The following ANPEP variants were observed in gnomAD, a reference collection of about 807,000 sequenced individuals.
ANPEP encodes aminopeptidase N.
In ANPEP, 70 loss-of-function variants were observed where a neutral mutation model predicts 114.6. That is an observed-to-expected ratio of 0.61 (90% confidence interval 0.50 to 0.75). ANPEP has a LOEUF of 0.75. ANPEP is among the 30% of genes least tolerant of loss of function. The pLI is 0.00. For missense variants in ANPEP, 1,184 were observed against 1,259.5 expected, an observed-to-expected ratio of 0.94 and a Z score of 0.91; for synonymous variants, 548 against 522.3, an observed-to-expected ratio of 1.05 and a Z score of -0.67.
rs375790588 is a variant in ANPEP at position 89,801,614 on chromosome 15, G to A, written c.1570-7C>T. 2,764 of 1,612,924 alleles carry A rather than the reference G, an allele frequency of 1.7e-3. 5 individuals carry two copies. Among genetic ancestry groups the A allele is most frequent in the Non-Finnish European group, 2.2e-3 (2,560 of 1,179,290 alleles). On this transcript the variant is annotated splice_polypyrimidine_tract_variant and splice_region_variant and intron_variant, in intron 10 of 20. Coordinates refer to ENST00000300060, the MANE Select transcript of ANPEP (RefSeq NM_001150.3). ...TGGACCGGTTGTTCACAGCCTGTGG[G>A]TGGAGCGAGAGGGCGTGGCCATCAG...
Position 89,806,315 on chromosome 15 carries a change from C to T in ANPEP, c.269G>A (p.Arg90Lys). ...CCTGTCATTGGGGGTGAGGTACGGT[C>T]TCAGCGTCACCCGGTAGGAATCGGG... is the stretch of plus-strand genomic sequence containing the variant. The part of the protein sequence containing the change: ...LKPDSYRVTL[R>K]PYLTPNDRGL... Residue 90 changes from arginine (R) to lysine (K), a missense_variant, in exon 2 of 21, where the codon AGA (arginine) becomes AAA (lysine). Coordinates refer to ENST00000300060, the MANE Select transcript of ANPEP (RefSeq NM_001150.3). The surrounding 1 kb of genome is among the most constrained non-coding windows in gnomAD (Gnocchi z 5.7). The T allele has an allele frequency of 6.2e-7, 1 of 1,614,142 alleles. No homozygotes were observed. Among genetic ancestry groups the T allele is most frequent in the Non-Finnish European group, 8.5e-7 (1 of 1,180,024 alleles).
At position 89,809,191 on chromosome 15, in the gene ANPEP, C is replaced by T. The variant is rs139613495; in HGVS notation, c.-223-2385G>A. 1.6e-3 allele frequency among the ~76,000 whole-genome samples: 239 copies of T among 152,322 alleles called. 1 individual carries two copies. The highest frequency in any genetic ancestry group is 5.4e-3 in the African/African-American group (223 of 41,562). On this transcript the variant is annotated intron_variant, in intron 1 of 20. Coordinates refer to ENST00000300060, the MANE Select transcript of ANPEP (RefSeq NM_001150.3). ...TCCCATCAGGGTGGATGGAATTCGC[C>T]AAGGGAGCCCATCTTTACAGCACCC...
chr15:89,809,704 C>A (rs777548110), intron 1 of ANPEP, among the ~76,000 whole-genome samples: 11 of 152,246 alleles, frequency 7.2e-5, no homozygotes, highest in Non-Finnish European at 1.5e-4. Context: ...CCCACCAGCA[C>A]ACGTCAGCAG....
At chr15:89,786,565 T>C (rs1445255215) in intron 20 of ANPEP, among the ~76,000 whole-genome samples, 1 of 152,008 alleles carries the variant, frequency 6.6e-6, no homozygotes, top group African/African-American at 2.4e-5. Context: ...TGGTGGCATG[T>C]GCCTATAGTC....
chr15:89,805,203 G>C lies in ANPEP; in HGVS notation c.772C>G (p.Leu258Val). The change falls in exon 4 of 21, where the codon CTT (leucine) becomes GTT (valine). Residue 258 changes from leucine (L) to valine (V), a missense_variant. By Grantham distance (32) the Leu-to-Val change is conservative. Transcript: ENST00000300060. ...ACATTCCAGTTGGGGTCTTCTGGAA[G>C]TGGGGTGCTGGGACCTGGGCAGGGA... ...NMLPKGPSTP[L>V]PEDPNWNVTE... The C allele has an allele frequency of 6.2e-7, 1 of 1,614,230 alleles. No individual in the cohort carries two copies. The highest frequency in any genetic ancestry group is 8.5e-7 in the Non-Finnish European group (1 of 1,180,042).
At chr15:89,787,067 G>T (rs62019022) in intron 20 of ANPEP, among the ~76,000 whole-genome samples, 2 of 128,956 alleles carry the variant, frequency 1.6e-5, no homozygotes, top group Non-Finnish European at 3.2e-5. Flanking sequence ...TTTTTTTGAG[G>T]CAGAGTCTTG....
At chr15:89,805,662 C>T (rs1034569829) in intron 2 of ANPEP, among the ~76,000 whole-genome samples, 199 bp from the exon 3 acceptor site, 2 of 152,212 alleles carry the variant, frequency 1.3e-5, no homozygotes, top group African/African-American at 2.4e-5. Context: ...GGGGCTCCTT[C>T]TGGATTCGGG....
chr15:89,789,409 C>T (rs768465469), intron 20 of ANPEP, among the ~76,000 whole-genome samples: 9 of 152,076 alleles, frequency 5.9e-5, no homozygotes, highest in Admixed American at 1.3e-4. Context: ...TTGAATATGC[C>T]TTGGGTATAT....
Position 89,792,300 on chromosome 15 carries a change from G to T in ANPEP, c.2388C>A (p.Val796=). The part of the protein sequence containing the change: ...NPIHPNLRST[V]YCNAIAQGGE... ...CGCCCTGGGCGATAGCGTTGCAGTAGACGGTGGACCGCAGGTTGGGGTGGA... is the reference window on the plus strand; with the variant it reads ...CGCCCTGGGCGATAGCGTTGCAGTATACGGTGGACCGCAGGTTGGGGTGGA... The change falls in exon 18 of 21, where the codon GTC becomes GTA. Residue 796 remains valine, a synonymous_variant. Transcript: ENST00000300060. 1 of 1,614,252 alleles carries T rather than the reference G, an allele frequency of 6.2e-7. No homozygotes were observed. Among genetic ancestry groups the T allele is most frequent in the Non-Finnish European group, 8.5e-7 (1 of 1,180,050 alleles).
intron 12 of ANPEP, among the ~76,000 whole-genome samples, chr15:89,800,323 A>C (rs1034350371): frequency 1.3e-5 from 2 of 151,828 alleles, no homozygotes; most frequent in East Asian, 1.9e-4. Flanking sequence ...ATGAACTTGA[A>C]TCTCCCTTAT....
intron 15 of ANPEP, among the ~76,000 whole-genome samples, chr15:89,796,423 G>A (rs1014666433): frequency 2.6e-5 from 4 of 152,164 alleles, no homozygotes; most frequent in African/African-American, 7.2e-5. Context: ...CAGTAAGAGG[G>A]TTGAAACTTC....
At chr15:89,785,563 C>A in intron 20 of ANPEP, 62 bp from the exon 21 acceptor site, 1 of 1,599,684 alleles carries the variant, frequency 6.3e-7, no homozygotes, top group South Asian at 1.1e-5. Context: ...AGGAGGAGCT[C>A]TCTCAGGCCT....
intron 20 of ANPEP, 101 bp from the exon 21 acceptor site, chr15:89,785,602 C>G: frequency 1.3e-6 from 2 of 1,521,688 alleles, no homozygotes; most frequent in Non-Finnish European, 1.8e-6. Context: ...TTTAGAGTCC[C>G]CATGGATGGG....
At chr15:89,809,072 G>T (rs1472902771) in intron 1 of ANPEP, among the ~76,000 whole-genome samples, 2 of 152,220 alleles carry the variant, frequency 1.3e-5, no homozygotes, top group African/African-American at 4.8e-5. Context: ...ATGACCCCAA[G>T]GGGCAATCGT....
Position 89,801,144 on chromosome 15 carries a change from G to C in ANPEP, c.1786C>G (p.Gln596Glu). The C allele has an allele frequency of 6.2e-7, 1 of 1,614,174 alleles. No homozygotes were observed. Among genetic ancestry groups the C allele is most frequent in the Non-Finnish European group, 8.5e-7 (1 of 1,180,028 alleles). Residue 596 changes from glutamine (Q) to glutamate (E), a missense_variant, in exon 12 of 21, where the codon CAG (glutamine) becomes GAG (glutamate). By Grantham distance (29) the Gln-to-Glu change is conservative. Coordinates refer to ENST00000300060, the MANE Select transcript of ANPEP (RefSeq NM_001150.3). ...VPITSIRDGRQQQDYWLIDVR... is the reference protein window; with the variant it reads ...VPITSIRDGREQQDYWLIDVR... The stretch of plus-strand genomic sequence containing the variant: ...TCTATCAGCCAGTAGTCCTGCTGCT[G>C]TCTGCCATCTCTGATGGATGTGATG...
At chr15:89,813,999 G>GGGGA (rs1555442967) in intron 1 of ANPEP, among the ~76,000 whole-genome samples, 2 of 151,132 alleles carry the variant, frequency 1.3e-5, no homozygotes, top group Non-Finnish European at 2.9e-5. Flanking sequence ...GCTGGGGGGG[G>GGGGA]GGGGTGCGTT....
At position 89,790,447 on chromosome 15, in the gene ANPEP, AATGACTTCTTACCTGCTGC is replaced by A; in HGVS notation, c.2745_2751+12del. The A allele has an allele frequency of 6.2e-7, 1 of 1,612,140 alleles. No homozygotes were observed. Among genetic ancestry groups the A allele is most frequent in the Non-Finnish European group, 8.5e-7 (1 of 1,178,386 alleles). On this transcript the variant is annotated splice_donor_variant and splice_donor_5th_base_variant and coding_sequence_variant and intron_variant, in exon 20 of 21. Transcript: ENST00000300060. LOFTEE classifies it high-confidence loss of function. The stretch of plus-strand genomic sequence containing the variant: ...AAGTAGGCAGAGCCCAGGTCTGGGG[AATGACTTCTTACCTGCTGC>A]AGCTCATACTCGGTGGAGAATCGTC...
At chr15:89,811,405 G>A (rs187099434) in intron 1 of ANPEP, among the ~76,000 whole-genome samples, 1 of 152,002 alleles carries the variant, frequency 6.6e-6, no homozygotes, top group East Asian at 1.9e-4. Context: ...CCTGCACTTC[G>A]GGAGGCTGAG....
intron 20 of ANPEP, among the ~76,000 whole-genome samples, chr15:89,788,379 GT>G (rs1223593554): frequency 6.6e-6 from 1 of 152,206 alleles, no homozygotes; most frequent in African/African-American, 2.4e-5. Context: ...CAAAAAGGCT[GT>G]GTGTATATGA....
Sources: gnomAD v4.1 joint callset for allele counts (sites outside exome capture counted in the v4.1 genomes callset) on GRCh38, gnomAD v4.1.1 for gene constraint, Gnocchi (gnomAD v3.1) non-coding constraint, MANE v1.5 for transcripts, NCBI Gene and HGNC (gene_info 2026-07-23, HGNC 2026-07-21) for gene names.